ARSG: variants seen among roughly 807,000 people sequenced by gnomAD.
ARSG encodes arylsulfatase G, also known as ASG.
Under a neutral mutation model 50.5 loss-of-function variants are expected in ARSG, and 37 were observed. That is an observed-to-expected ratio of 0.73 (90% CI 0.56 to 0.96). The LOEUF (loss-of-function observed/expected upper bound fraction) is 0.96, where lower values mean the gene tolerates loss of function less well. ARSG is among the 50% of genes least tolerant of loss of function. The pLI is 0.00. For missense variants in ARSG, 629 were observed against 675.3 expected (o/e 0.93, Z 0.76); for synonymous variants, 225 against 254.6 (o/e 0.88, Z 1.11).
intron 2 of ARSG, among the ~76,000 whole-genome samples, chr17:68,337,487 G>A (rs2078074399): frequency 6.6e-6 from 1 of 152,160 alleles, no homozygotes; most frequent in South Asian, 2.1e-4. Context: ...GGCCAAAGGA[G>A]GATGAAGACA....
chr17:68,321,242 G>A (rs933525834), intron 2 of ARSG, among the ~76,000 whole-genome samples: 3 of 152,182 alleles, frequency 2.0e-5, no homozygotes, highest in Non-Finnish European at 4.4e-5. Flanking sequence ...TGAATGAGTA[G>A]ACGAAAGGCA....
At chr17:68,331,345 T>C (rs1292804202) in intron 2 of ARSG, among the ~76,000 whole-genome samples, 1 of 151,140 alleles carries the variant, frequency 6.6e-6, no homozygotes, top group African/African-American at 2.4e-5. Context: ...CCTGGGTTCA[T>C]GCCATTCTCC....
At chr17:68,265,495 AAAC>A (rs1279441615) in intron 1 of ARSG, among the ~76,000 whole-genome samples, 5 of 152,346 alleles carry the variant, frequency 3.3e-5, no homozygotes, top group African/African-American at 9.6e-5. Flanking sequence ...CTCTGTCTCA[AAAC>A]AACAACAACA....
intron 2 of ARSG, among the ~76,000 whole-genome samples, chr17:68,317,468 T>G (rs2077112732): frequency 6.6e-6 from 1 of 151,920 alleles, no homozygotes; most frequent in Admixed American, 6.6e-5. Flanking sequence ...CTGTTTTGTT[T>G]TTTTTTTTTT....
At chr17:68,436,564 C>A in the ARSG span, 2 of 1,244,414 alleles carry the variant, frequency 1.6e-6, no homozygotes, top group Non-Finnish European at 2.3e-6. Flanking sequence ...AACAGTACAG[C>A]TACAGTGCCA....
At chr17:68,326,256 G>T (rs9909625) in intron 2 of ARSG, among the ~76,000 whole-genome samples, 16,807 of 152,240 alleles carry the variant, frequency 0.11, 1,353 homozygotes, top group African/African-American at 0.22. Context: ...GAGGCGAAAT[G>T]AGAGCTGAAG....
intron 1 of ARSG, chr17:68,274,026 C>G (rs1555750072): frequency 6.2e-7 from 1 of 1,614,028 alleles, no homozygotes; most frequent in Non-Finnish European, 8.5e-7. Flanking sequence ...AACATCACTA[C>G]CAGACGGTGT....
At chr17:68,321,545 T>C (rs1458915288) in intron 2 of ARSG, among the ~76,000 whole-genome samples, 1 of 152,268 alleles carries the variant, frequency 6.6e-6, no homozygotes, top group Non-Finnish European at 1.5e-5. Flanking sequence ...GGACAGTTTT[T>C]ATTCCAGTCA....
the ARSG span, among the ~76,000 whole-genome samples, chr17:68,432,221 G>A: frequency 1.5e-3 from 235 of 152,258 alleles, 1 homozygote; most frequent in Non-Finnish European, 1.8e-3. Flanking sequence ...GGGGGTGGGG[G>A]GAGACAAGGA....
intron 2 of ARSG, among the ~76,000 whole-genome samples, chr17:68,341,506 A>G (rs949629665): frequency 2.6e-5 from 4 of 152,126 alleles, no homozygotes; most frequent in Non-Finnish European, 4.4e-5. Flanking sequence ...CATCTTTTAG[A>G]TTGATTCCAA....
chr17:68,449,735 T>C, the ARSG span, among the ~76,000 whole-genome samples: 1 of 152,314 alleles, frequency 6.6e-6, no homozygotes, highest in African/African-American at 2.4e-5. Flanking sequence ...GTGCTTCCTG[T>C]ACAGCCTGCA....
intron 6 of ARSG, among the ~76,000 whole-genome samples, chr17:68,363,447 C>T (rs964118509): frequency 6.8e-6 from 1 of 146,484 alleles, no homozygotes; most frequent in Admixed American, 7.0e-5. Context: ...GCAATGAGCC[C>T]TAGTACGTTT....
At chr17:68,288,681 T>C (rs1485062962), upstream of ARSG, among the ~76,000 whole-genome samples, 1 of 152,238 alleles carries the variant, frequency 6.6e-6, no homozygotes. Flanking sequence ...CCTAATAGTC[T>C]ATACTTCTAT....
At chr17:68,424,704 C>G (rs150043536), downstream of ARSG, among the ~76,000 whole-genome samples, 3 of 152,206 alleles carry the variant, frequency 2.0e-5, no homozygotes, top group Non-Finnish European at 4.4e-5. Context: ...GGTGAAACCC[C>G]GTCTCTACTA....
At chr17:68,449,368 G>T in the ARSG span, among the ~76,000 whole-genome samples, 1 of 152,186 alleles carries the variant, frequency 6.6e-6, no homozygotes, top group Non-Finnish European at 1.5e-5. Flanking sequence ...GGTGGCTCAT[G>T]CCTGTAATTC....
rs139424653 is a variant in ARSG at position 68,343,696 on chromosome 17, G to A, written c.311G>A (p.Arg104His). 12 of 1,614,068 alleles carry A rather than the reference G, an allele frequency of 7.4e-6. No homozygotes were observed. Among genetic ancestry groups the A allele is most frequent in the Middle Eastern group, 3.3e-4 (2 of 6,084 alleles). ...GRLGLRNGVT[R>H]NFAVTSVGGL... ...CTTGGCCTTCGCAATGGAGTCACAC[G>A]CAACTTTGCAGTCACTTCTGTGGGA... The change falls in exon 3 of 12, where the codon CGC becomes CAC. Residue 104 changes from arginine to histidine, a missense_variant. Transcript: ENST00000621439.
At chr17:68,379,416 C>G (rs1156894610) in intron 8 of ARSG, among the ~76,000 whole-genome samples, 1 of 125,388 alleles carries the variant, frequency 8.0e-6, no homozygotes, top group Non-Finnish European at 1.6e-5. Flanking sequence ...GCCTGGAACA[C>G]TACAATTTTT....
intron 1 of ARSG, among the ~76,000 whole-genome samples, chr17:68,293,942 G>A (rs552951981): frequency 3.3e-4 from 51 of 152,272 alleles, no homozygotes; most frequent in African/African-American, 1.1e-3. Flanking sequence ...GAGACCAAGC[G>A]TGAAAACCCC....
Position 68,379,421 on chromosome 17 carries a change from A to ATTTTTTTTTTTTTT in ARSG, c.983-5627_983-5614dup, listed in dbSNP as rs375841879. Among the ~76,000 whole-genome samples, 317 of 72,256 alleles carry ATTTTTTTTTTTTTT rather than the reference A, an allele frequency of 4.4e-3. 36 individuals are homozygous for ATTTTTTTTTTTTTT. Among genetic ancestry groups the ATTTTTTTTTTTTTT allele is most frequent in the African/African-American group, 0.019 (298 of 15,818 alleles). The allele number at this position is 72,256 out of a possible 152,430, so 47.4% of individuals were successfully genotyped here. ...GTGCCACCATGCCTGGAACACTACA[A>ATTTTTTTTTTTTTT]TTTTTTTTTTTTTTTTTTTTTTTTT... On this transcript the variant is annotated intron_variant, in intron 8 of 11. Transcript: ENST00000621439.
Sources: gnomAD v4.1 joint callset for allele counts (sites outside exome capture counted in the v4.1 genomes callset) on GRCh38, gnomAD v4.1.1 for gene constraint, MANE v1.5 for transcripts, NCBI Gene and HGNC (gene_info 2026-07-23, HGNC 2026-07-21) for gene names.